Variants in IPP observed in about 807,000 individuals in gnomAD.
IPP encodes actin-binding protein IPP.
IPP carries 41 observed loss-of-function variants against 64.1 expected under a neutral mutation model. The observed-to-expected ratio is 0.64, with a 90% confidence interval of 0.50 to 0.83. The LOEUF (loss-of-function observed/expected upper bound fraction) is 0.83, where lower values mean the gene tolerates loss of function less well. Among genes scored for constraint, IPP ranks in the 40% least tolerant of loss-of-function variants. IPP has a pLI of 0.00. For synonymous variants in IPP, 214 were observed against 235.2 expected, an observed-to-expected ratio of 0.91 and a Z score of 0.83; for missense variants, 649 against 703.0, an observed-to-expected ratio of 0.92 and a Z score of 0.87.
chr1:45,714,412 A>G lies in IPP; in HGVS notation c.1364T>C (p.Phe455Ser), dbSNP rs1569974331. The change falls in exon 8 of 9, where the codon TTT becomes TCT. Residue 455 changes from phenylalanine (F) to serine (S), a missense_variant. Physicochemically the swap from Phe to Ser is radical, Grantham distance 155. Transcript: ENST00000396478. ...CTTAGAAAGTGGATCATAGACTTCAAAAGAACGAAGTTCTATTCCTTCATT... is the reference window on the plus strand; with the variant it reads ...CTTAGAAAGTGGATCATAGACTTCAGAAGAACGAAGTTCTATTCCTTCATT... ...ISNEGIELRSFEVYDPLSKRW... is the reference protein window; with the variant it reads ...ISNEGIELRSSEVYDPLSKRW... 6.2e-7 allele frequency: 1 copy of G among 1,614,152 alleles called. No individual in the cohort carries two copies. The highest frequency in any genetic ancestry group is 2.2e-5 in the East Asian group (1 of 44,876).
chr1:45,714,646 C>G (rs933011517), intron 7 of IPP, among the ~76,000 whole-genome samples, 180 bp from the exon 8 acceptor site: 1 of 152,024 alleles, frequency 6.6e-6, no homozygotes, highest in Non-Finnish European at 1.5e-5. Context: ...CAGCAAGTTG[C>G]AAAAAATTAG....
chr1:45,731,710 T>A (rs28675671), intron 3 of IPP, among the ~76,000 whole-genome samples: 1 of 152,050 alleles, frequency 6.6e-6, no homozygotes, highest in Non-Finnish European at 1.5e-5. Flanking sequence ...CCGAGGGGGG[T>A]GAATCATGAG....
intron 1 of IPP, among the ~76,000 whole-genome samples, chr1:45,747,852 A>C (rs902986971): frequency 1.5e-4 from 22 of 149,664 alleles, no homozygotes; most frequent in Admixed American, 2.7e-4. Flanking sequence ...AAAAAAAAAA[A>C]AAAAAAAAAA....
At chr1:45,725,693 TC>T in intron 5 of IPP, among the ~76,000 whole-genome samples, 2 of 139,474 alleles carry the variant, frequency 1.4e-5, no homozygotes, top group Admixed American at 7.2e-5. Context: ...GGTTGCCGGG[TC>T]TGTGTGGATA....
chr1:45,725,452 C>T (rs1215184207), intron 5 of IPP, among the ~76,000 whole-genome samples: 2 of 143,358 alleles, frequency 1.4e-5, no homozygotes, highest in African/African-American at 5.1e-5. Flanking sequence ...GCCGCCCCAT[C>T]CGGGAGGGAG....
chr1:45,727,914 T>C, intron 4 of IPP, 116 bp from the exon 5 acceptor site: 1 of 679,724 alleles, frequency 1.5e-6, no homozygotes, highest in Non-Finnish European at 2.1e-6. Context: ...TCTATATACA[T>C]ATAATGTAAT....
downstream of IPP, chr1:45,697,785 C>T (rs1020294190): frequency 2.0e-5 from 3 of 151,190 alleles, no homozygotes; most frequent in Non-Finnish European, 4.4e-5. Context: ...GGTGAAACTC[C>T]GTCTCTACTA....
intron 5 of IPP, among the ~76,000 whole-genome samples, chr1:45,727,236 GA>G (rs1645840908): frequency 6.6e-6 from 1 of 151,914 alleles, no homozygotes. Context: ...TTTTTGTAGA[GA>G]TAAAGTCTCG....
At chr1:45,730,150 C>A (rs1419950029) in intron 3 of IPP, among the ~76,000 whole-genome samples, 1 of 152,110 alleles carries the variant, frequency 6.6e-6, no homozygotes, top group Non-Finnish European at 1.5e-5. Flanking sequence ...GAGTTAGAGA[C>A]CAGCCTGGCC....
intron 8 of IPP, among the ~76,000 whole-genome samples, chr1:45,712,153 T>TA (rs1365870862): frequency 2.6e-5 from 4 of 151,600 alleles, no homozygotes; most frequent in Non-Finnish European, 5.9e-5. Flanking sequence ...CTGGCTCTAC[T>TA]AAAAAAATAC....
chr1:45,732,027 G>C (rs1286747521), intron 3 of IPP, among the ~76,000 whole-genome samples: 1 of 151,920 alleles, frequency 6.6e-6, no homozygotes, highest in African/African-American at 2.4e-5. Context: ...CAAATAGACA[G>C]ACTCCTCGTA....
chr1:45,715,191 T>C (rs919433839), intron 7 of IPP, among the ~76,000 whole-genome samples: 12 of 74,868 alleles, frequency 1.6e-4, no homozygotes, highest in Non-Finnish European at 8.0e-5. Flanking sequence ...CCAGACCTTC[T>C]CTCAAAAAAA....
At chr1:45,700,237 A>G (rs759284594) in intron 8 of IPP, 47 bp from the exon 9 acceptor site, 1 of 1,560,700 alleles carries the variant, frequency 6.4e-7, no homozygotes, top group Admixed American at 2.0e-5. Flanking sequence ...TTATGAAATG[A>G]TAGTAAAGAA....
At chr1:45,695,506 T>A (rs1418920570), downstream of IPP, among the ~76,000 whole-genome samples, 1 of 152,086 alleles carries the variant, frequency 6.6e-6, no homozygotes, top group East Asian at 1.9e-4. Context: ...AGATTTTCAC[T>A]TGAAAACGTA....
Position 45,746,152 on chromosome 1 carries a change from A to G in IPP, c.260T>C (p.Ile87Thr). Residue 87 changes from isoleucine (I) to threonine (T), a missense_variant, in exon 2 of 9, where the codon ATC becomes ACC. Ile to Thr is a moderately conservative substitution (Grantham distance 89). Transcript: ENST00000396478. ...VVPILGIEAG[I>T]FQILLDFIYT... ...AATGAAATCTAGAAGTATCTGAAAG[A>G]TTCCTGCTTCAATTCCTAGAATCGG... is the stretch of plus-strand genomic sequence containing the variant. 1 of 1,614,034 alleles carries G rather than the reference A, an allele frequency of 6.2e-7. No homozygotes were observed. The highest frequency in any genetic ancestry group is 1.3e-5 in the African/African-American group (1 of 75,066).
At chr1:45,727,094 G>C (rs1645839212) in intron 5 of IPP, among the ~76,000 whole-genome samples, 1 of 152,076 alleles carries the variant, frequency 6.6e-6, no homozygotes, top group African/African-American at 2.4e-5. Flanking sequence ...CTGTCACCCA[G>C]GCTGGAGTAC....
intron 6 of IPP, among the ~76,000 whole-genome samples, chr1:45,718,488 G>T (rs550613858): frequency 6.6e-6 from 1 of 152,130 alleles, no homozygotes; most frequent in Non-Finnish European, 1.5e-5. Context: ...GCCCAACAAG[G>T]CTCTGCCCTG....
chr1:45,697,024 G>C (rs1486289558), downstream of IPP: 1 of 152,144 alleles, frequency 6.6e-6, no homozygotes, highest in Non-Finnish European at 1.5e-5. Flanking sequence ...CAGATTCTCT[G>C]TAACTAGAAA....
At chr1:45,749,261 C>G (rs897414523) in intron 1 of IPP, among the ~76,000 whole-genome samples, 1 of 152,162 alleles carries the variant, frequency 6.6e-6, no homozygotes, top group Non-Finnish European at 1.5e-5. Flanking sequence ...TAGTCTGTTA[C>G]CATGCTTCTC....
Sources: gnomAD v4.1 joint callset for allele counts (sites outside exome capture counted in the v4.1 genomes callset) on GRCh38, gnomAD v4.1.1 for gene constraint, MANE v1.5 for transcripts, NCBI Gene and HGNC (gene_info 2026-07-23, HGNC 2026-07-21) for gene names.